SYNE1: variants seen among roughly 807,000 people sequenced by gnomAD.
The protein encoded by SYNE1 is spectrin repeat containing nuclear envelope protein 1, also known as nesprin-1.
A neutral mutation model predicts 1,111.0 loss-of-function variants in SYNE1; 616 were observed. The ratio of observed to expected loss-of-function variants is 0.55; its 90% CI spans 0.52 to 0.59. The LOEUF is 0.59. Ranked by LOEUF, SYNE1 falls within the 20% of genes least tolerant of loss-of-function variation. The pLI is 0.00. For missense variants in SYNE1, 10,006 were observed against 10,417.0 expected, an observed-to-expected ratio of 0.96 and a Z score of 1.72; for synonymous variants, 3,855 against 3,825.8, an observed-to-expected ratio of 1.01 and a Z score of -0.28.
intron 119 of SYNE1, among the ~76,000 whole-genome samples, chr6:152,220,090 CTTTAT>C (rs2079786516): frequency 6.6e-6 from 1 of 152,166 alleles, no homozygotes; most frequent in Non-Finnish European, 1.5e-5. Context: ...ACTGTATTAT[CTTTAT>C]TTTAAAATAC....
At chr6:152,126,035 A>C (rs1411979270) in intron 145 of SYNE1, 1 of 152,316 alleles carries the variant, frequency 6.6e-6, no homozygotes, top group East Asian at 1.9e-4. Context: ...CCTATGTTGG[A>C]GTCTGTTGAA....
intron 5 of SYNE1, among the ~76,000 whole-genome samples, chr6:152,524,744 A>T (rs569961571): frequency 6.6e-6 from 1 of 152,106 alleles, no homozygotes; most frequent in African/African-American, 2.4e-5. Context: ...CTAACAAAGG[A>T]TGTGCTATTG....
intron 3 of SYNE1, among the ~76,000 whole-genome samples, chr6:152,554,039 G>A (rs978278388): frequency 1.1e-4 from 17 of 151,954 alleles, no homozygotes; most frequent in Non-Finnish European, 1.6e-4. Context: ...GCAGATCCCC[G>A]GGGCTGAGGA....
intron 49 of SYNE1, among the ~76,000 whole-genome samples, chr6:152,397,954 TCA>T (rs2097761389): frequency 6.7e-6 from 1 of 149,164 alleles, no homozygotes; most frequent in Non-Finnish European, 1.5e-5. Context: ...TAAGCTGAAA[TCA>T]TGCCACTGCA....
intron 61 of SYNE1, 176 bp from the exon 62 acceptor site, chr6:152,367,558 T>C: frequency 2.7e-6 from 2 of 732,240 alleles, no homozygotes; most frequent in East Asian, 2.7e-5. Context: ...CATAAAACTA[T>C]TAGAATAACT....
chr6:152,426,773 C>G (rs570576072), intron 38 of SYNE1, among the ~76,000 whole-genome samples: 8 of 152,258 alleles, frequency 5.3e-5, no homozygotes, highest in Admixed American at 2.0e-4. Context: ...GTGCAGACAC[C>G]AGTGTTTAAT....
intron 3 of SYNE1, among the ~76,000 whole-genome samples, chr6:152,613,348 A>T (rs927301835): frequency 6.6e-6 from 1 of 152,206 alleles, no homozygotes; most frequent in East Asian, 1.9e-4. Flanking sequence ...ATTCCTATAA[A>T]CCAACAACAG....
In SYNE1 at chr6:152,634,055, G is replaced by A. The variant is rs575231406; in HGVS notation, c.-224+2583C>T. 3.9e-5 allele frequency among the ~76,000 whole-genome samples: 6 copies of A among 152,382 alleles called. No homozygotes were observed. In the South Asian group the frequency reaches 1.0e-3, roughly 26 times the overall value. ...ACTCAATTTTTTCTGTCTCTTGGCA[G>A]AATGGACATTGGCTCTTAAAGCAGT... is the stretch of plus-strand genomic sequence containing the variant. On this transcript the variant is annotated intron_variant, in intron 2 of 145. Transcript: ENST00000367255.
chr6:152,170,350 A>G (rs1457852653), intron 130 of SYNE1, among the ~76,000 whole-genome samples: 2 of 152,230 alleles, frequency 1.3e-5, no homozygotes, highest in Non-Finnish European at 2.9e-5. Context: ...ATTGTTTTAT[A>G]GTAAACACAG....
intron 124 of SYNE1, among the ~76,000 whole-genome samples, chr6:152,209,068 A>G (rs2077052812): frequency 6.6e-6 from 1 of 152,204 alleles, no homozygotes; most frequent in Non-Finnish European, 1.5e-5. Flanking sequence ...ATGAAACAGA[A>G]TGAGTTTCTA....
At chr6:152,578,470 C>T (rs2099508849) in intron 3 of SYNE1, among the ~76,000 whole-genome samples, 1 of 152,068 alleles carries the variant, frequency 6.6e-6, no homozygotes, top group Non-Finnish European at 1.5e-5. Context: ...TGGCATGTGC[C>T]TCTAATCCCA....
chr6:152,407,076 C>T lies in SYNE1; in HGVS notation c.6661G>A (p.Ala2221Thr), dbSNP rs2154165359. 5 of 1,613,844 alleles carry T rather than the reference C, an allele frequency of 3.1e-6. No homozygotes were observed. Among genetic ancestry groups the T allele is most frequent in the Non-Finnish European group, 4.2e-6 (5 of 1,179,964 alleles). Residue 2221 changes from alanine to threonine, a missense_variant, in exon 45 of 146, where the codon GCA becomes ACA. Around this residue, in one of 7 missense-constraint regions of SYNE1, gnomAD observed 4,955 missense variants for 5,017.2 expected, o/e 0.99. Transcript: ENST00000367255. ...TTATCCAGGTTGCTGATGTTTTCTG[C>T]CATCTGTGGAACGCAGTTGTTTGAC... is the stretch of plus-strand genomic sequence containing the variant. ...GWSNNCVPQM[A>T]ENISNLDNHL...
rs2097538115 is a variant in SYNE1 at position 152,387,209 on chromosome 6, C to T, written c.8350G>A (p.Glu2784Lys). The T allele has an allele frequency of 1.2e-6, 2 of 1,614,178 alleles. No individual in the cohort carries two copies. Among genetic ancestry groups the T allele is most frequent in the East Asian group, 2.2e-5 (1 of 44,882 alleles). The change falls in exon 54 of 146, where the codon GAA becomes AAA. Residue 2784 changes from glutamate to lysine, a missense_variant. Glu to Lys is a moderately conservative substitution (Grantham distance 56, BLOSUM62 1). Transcript: ENST00000367255. ...DHLQSILSEA[E>K]DHTRALHRLI... ...CGGTGAAGGGCTCTCGTGTGATCTT[C>T]TGCCTCAGACAGGATGGACTGGAGG... is the stretch of plus-strand genomic sequence containing the variant.
chr6:152,127,717 T>C (rs1416787839), intron 145 of SYNE1: 1 of 152,162 alleles, frequency 6.6e-6, no homozygotes, highest in Non-Finnish European at 1.5e-5. Flanking sequence ...GGCTCTGTGC[T>C]GAGGCTCTTT....
intron 34 of SYNE1, among the ~76,000 whole-genome samples, chr6:152,431,238 C>G (rs1179860263): frequency 6.6e-6 from 1 of 152,116 alleles, no homozygotes; most frequent in Non-Finnish European, 1.5e-5. Context: ...CAGTGGTTTC[C>G]AAAGCTAGAA....
intron 8 of SYNE1, among the ~76,000 whole-genome samples, chr6:152,508,040 C>T (rs11155856): frequency 0.021 from 3,190 of 152,162 alleles, 54 homozygotes; most frequent in Middle Eastern, 0.051. Flanking sequence ...TAGAGTCCCA[C>T]GAAATATTAT....
chr6:152,476,212 C>T (rs2098833484), intron 14 of SYNE1, among the ~76,000 whole-genome samples: 2 of 152,198 alleles, frequency 1.3e-5, no homozygotes, highest in Non-Finnish European at 2.9e-5. Flanking sequence ...GCTTACTCCA[C>T]ATATCCTCTT....
intron 97 of SYNE1, 64 bp from the exon 98 acceptor site, chr6:152,278,344 C>T (rs901288481): frequency 3.9e-5 from 62 of 1,583,074 alleles, no homozygotes; most frequent in Non-Finnish European, 1.5e-5. Flanking sequence ...GACTGTTTCC[C>T]ACAGTGAAAT....
rs1359149879 is a variant in SYNE1 at position 152,191,422 on chromosome 6, G to A, written c.23146-2015C>T. Reference sequence around the variant, plus strand: ...AAGCCATCAGGTCCTGGGCTTCTTTGCTGGGAGACTTTTTATTATGGCTTC... The same window carrying A: ...AAGCCATCAGGTCCTGGGCTTCTTTACTGGGAGACTTTTTATTATGGCTTC... On this transcript the variant is annotated intron_variant, in intron 127 of 145. Coordinates refer to ENST00000367255, the MANE Select transcript of SYNE1 (RefSeq NM_182961.4). Among the ~76,000 whole-genome samples, 3 of 152,090 alleles carry A rather than the reference G, an allele frequency of 2.0e-5. No individual in the cohort carries two copies. The East Asian group carries it at 5.8e-4, about 29-fold the overall frequency.
Sources: gnomAD v4.1 joint callset for allele counts (sites outside exome capture counted in the v4.1 genomes callset) on GRCh38, gnomAD v4.1.1 for gene constraint, gnomAD v4.1.1 regional missense constraint, MANE v1.5 for transcripts, NCBI Gene and HGNC (gene_info 2026-07-23, HGNC 2026-07-21) for gene names.